Variants in PIP4K2A observed in about 807,000 individuals in gnomAD.
The protein encoded by PIP4K2A is phosphatidylinositol-5-phosphate 4-kinase type 2 alpha, also known as phosphatidylinositol 5-phosphate 4-kinase type-2 alpha.
PIP4K2A carries 14 observed loss-of-function variants against 42.9 expected under a neutral mutation model. That is an observed-to-expected ratio of 0.33 (90% CI 0.22 to 0.51). The LOEUF (loss-of-function observed/expected upper bound fraction) is 0.51, where lower values mean the gene tolerates loss of function less well. PIP4K2A is among the 20% of genes least tolerant of loss of function. PIP4K2A has a pLI of 0.97. For synonymous variants in PIP4K2A, 192 were observed against 192.2 expected, an observed-to-expected ratio of 1.00 and a Z score of 0.01; for missense variants, 434 against 519.8, an observed-to-expected ratio of 0.83 and a Z score of 1.61.
At chr10:22,572,460 T>C (rs543657227) in intron 5 of PIP4K2A, among the ~76,000 whole-genome samples, 1 of 152,052 alleles carries the variant, frequency 6.6e-6, no homozygotes, top group South Asian at 2.1e-4. Context: ...CACCAAAAAA[T>C]ACAAAAAATT....
intron 3 of PIP4K2A, among the ~76,000 whole-genome samples, chr10:22,605,486 C>T (rs1275441003): frequency 1.3e-5 from 2 of 152,216 alleles, no homozygotes; most frequent in East Asian, 3.8e-4. Flanking sequence ...CATGTCTTTG[C>T]ATTTCAGCAA....
chr10:22,585,213 C>T (rs1351466183), intron 4 of PIP4K2A, among the ~76,000 whole-genome samples: 2 of 152,158 alleles, frequency 1.3e-5, no homozygotes, highest in Non-Finnish European at 2.9e-5. Context: ...CGTCCCTAAC[C>T]TTCGGGAAAG....
At chr10:22,582,816 G>A (rs1005592135) in intron 4 of PIP4K2A, among the ~76,000 whole-genome samples, 2 of 150,676 alleles carry the variant, frequency 1.3e-5, no homozygotes, top group African/African-American at 2.4e-5. Context: ...TCCTTTGAGT[G>A]GATGTCTTGG....
chr10:22,608,429 C>A (rs1837957816), intron 2 of PIP4K2A, among the ~76,000 whole-genome samples: 1 of 152,154 alleles, frequency 6.6e-6, no homozygotes, highest in Non-Finnish European at 1.5e-5. Flanking sequence ...AGGGCCACTC[C>A]CTCACCCCCC....
intron 1 of PIP4K2A, among the ~76,000 whole-genome samples, chr10:22,656,849 A>G (rs1428395876): frequency 6.6e-6 from 1 of 151,866 alleles, no homozygotes; most frequent in Non-Finnish European, 1.5e-5. Flanking sequence ...ATGGTAAACT[A>G]TATGAGACTC....
chr10:22,537,379 T>C lies in PIP4K2A; in HGVS notation c.1141-98A>G, dbSNP rs995402562. 4.5e-5 allele frequency: 40 copies of C among 885,172 alleles called. No homozygotes were observed. In the East Asian group the frequency reaches 7.2e-4, roughly 16 times the overall value. 54.8% of individuals were successfully genotyped at this position (885,172 alleles called of 1,614,324 possible). A position where few individuals can be genotyped will look rare whatever the true frequency, so the allele number is the denominator to read the frequency against. ...AGCTATTTCCAATGGCAACTGAATA[T>C]ACAGCAAGCAATTTTCAAATCCATG... On this transcript the variant is annotated intron_variant, in intron 9 of 9. Coordinates refer to ENST00000376573, the MANE Select transcript of PIP4K2A (RefSeq NM_005028.5).
At chr10:22,545,135 T>G (rs975008231) in intron 7 of PIP4K2A, among the ~76,000 whole-genome samples, 1 of 152,194 alleles carries the variant, frequency 6.6e-6, no homozygotes, top group Admixed American at 6.5e-5. Flanking sequence ...GGGATGCTTG[T>G]TACTTCTTCC....
intron 1 of PIP4K2A, among the ~76,000 whole-genome samples, chr10:22,664,098 T>C (rs1293727483): frequency 3.6e-5 from 3 of 82,554 alleles, no homozygotes; most frequent in African/African-American, 2.0e-4. Context: ...TACATATATA[T>C]ATATACATAT....
chr10:22,711,911 T>C (rs2130933404), intron 1 of PIP4K2A, among the ~76,000 whole-genome samples: 1 of 152,300 alleles, frequency 6.6e-6, no homozygotes, highest in South Asian at 2.1e-4. Flanking sequence ...AATAGACATT[T>C]TGAAAAAAAA....
chr10:22,588,286 A>AT (rs550592118), intron 4 of PIP4K2A, among the ~76,000 whole-genome samples: 1 of 151,350 alleles, frequency 6.6e-6, no homozygotes, highest in Admixed American at 6.6e-5. Context: ...TATACGGACA[A>AT]TTTTTTTTTA....
At chr10:22,658,208 A>C (rs1839138840) in intron 1 of PIP4K2A, among the ~76,000 whole-genome samples, 1 of 152,268 alleles carries the variant, frequency 6.6e-6, no homozygotes. Flanking sequence ...GTCACACCAC[A>C]ATACAAATCA....
chr10:22,632,138 T>A (rs1264719111), intron 1 of PIP4K2A, among the ~76,000 whole-genome samples: 1 of 151,818 alleles, frequency 6.6e-6, no homozygotes, highest in African/African-American at 2.4e-5. Flanking sequence ...ATAGTCCAGA[T>A]TAAAGGAGAC....
chr10:22,619,329 G>A (rs1456818184), intron 1 of PIP4K2A, among the ~76,000 whole-genome samples: 1 of 151,964 alleles, frequency 6.6e-6, no homozygotes, highest in Non-Finnish European at 1.5e-5. Context: ...ACAGAGGCAG[G>A]AAAAAACGGG....
At chr10:22,613,531 GCTC>G (rs1473061147) in intron 1 of PIP4K2A, among the ~76,000 whole-genome samples, 4 of 152,152 alleles carry the variant, frequency 2.6e-5, no homozygotes, top group African/African-American at 9.7e-5. Flanking sequence ...CCGACCACTG[GCTC>G]CTATTTTCTC....
intron 1 of PIP4K2A, among the ~76,000 whole-genome samples, chr10:22,672,490 A>G (rs1839475198): frequency 6.6e-6 from 1 of 152,246 alleles, no homozygotes; most frequent in African/African-American, 2.4e-5. Flanking sequence ...CTGATTTTTA[A>G]ATTACAATAC....
chr10:22,713,924 C>T (rs574990244), intron 1 of PIP4K2A: 262 of 309,928 alleles, frequency 8.5e-4, no homozygotes, highest in African/African-American at 5.1e-3. Context: ...TGGCACCCAC[C>T]GTGAGACTCA....
At chr10:22,564,796 T>G (rs1311788064) in intron 6 of PIP4K2A, among the ~76,000 whole-genome samples, 3 of 152,228 alleles carry the variant, frequency 2.0e-5, no homozygotes, top group Non-Finnish European at 4.4e-5. Context: ...CCTCCTTACC[T>G]GCTGCAATCT....
chr10:22,539,039 T>G (rs59428338), intron 9 of PIP4K2A, among the ~76,000 whole-genome samples: 2,283 of 152,274 alleles, frequency 0.015, 43 homozygotes, highest in African/African-American at 0.051. Context: ...AATACATTCA[T>G]CTGTGTGGGG....
At chr10:22,544,389 G>A (rs1305589772) in intron 7 of PIP4K2A, among the ~76,000 whole-genome samples, 3 of 152,180 alleles carry the variant, frequency 2.0e-5, no homozygotes, top group African/African-American at 7.2e-5. Context: ...CTGGGCTGCT[G>A]GAGGACTGGG....
Sources: gnomAD v4.1 joint callset for allele counts (sites outside exome capture counted in the v4.1 genomes callset) on GRCh38, gnomAD v4.1.1 for gene constraint, MANE v1.5 for transcripts, NCBI Gene and HGNC (gene_info 2026-07-23, HGNC 2026-07-21) for gene names.